Variants in KIAA1217 observed in about 807,000 individuals in gnomAD.
KIAA1217 encodes sickle tail protein homolog.
In KIAA1217, 88 loss-of-function variants were observed where a neutral mutation model predicts 163.9. The observed-to-expected ratio is 0.54, with a 90% CI of 0.45 to 0.64. The LOEUF (loss-of-function observed/expected upper bound fraction) is 0.64. Ranked by LOEUF, KIAA1217 falls within the 30% of genes least tolerant of loss-of-function variation. The pLI is 0.00. For synonymous variants in KIAA1217, 903 were observed against 923.1 expected (o/e 0.98, Z 0.39); for missense variants, 2,372 against 2,475.0 (o/e 0.96, Z 0.88).
intron 3 of KIAA1217, among the ~76,000 whole-genome samples, chr10:24,398,918 G>T (rs528044051): frequency 6.6e-6 from 1 of 152,276 alleles, no homozygotes; most frequent in African/African-American, 2.4e-5. Context: ...TAGGGAAACT[G>T]CCTTTCCCTG....
In KIAA1217 at chr10:23,831,341, A is replaced by G. The variant is rs111494652; in HGVS notation, c.-321+136107A>G. Among the ~76,000 whole-genome samples, 790 of 152,292 alleles carry G rather than the reference A, an allele frequency of 5.2e-3. 10 individuals are homozygous for G. The highest frequency in any genetic ancestry group is 0.017 in the African/African-American group (713 of 41,572). ...CAAACAAACAAACAAAAAGAGTAAA[A>G]AGATGGCCTATGGATGGGGAGAAAA... On this transcript the variant is annotated intron_variant, in intron 1 of 18. Coordinates refer to the KIAA1217 transcript ENST00000376462.
At chr10:24,240,882 G>A (rs1364325540) in intron 2 of KIAA1217, among the ~76,000 whole-genome samples, 2 of 151,862 alleles carry the variant, frequency 1.3e-5, no homozygotes, top group African/African-American at 2.4e-5. Context: ...AAAAAGACAG[G>A]GTCTCACTCT....
At chr10:23,763,715 G>T (rs951820458) in intron 1 of KIAA1217, among the ~76,000 whole-genome samples, 5 of 151,970 alleles carry the variant, frequency 3.3e-5, no homozygotes, top group Non-Finnish European at 7.4e-5. Context: ...AAGCCAAAAG[G>T]TTCATAACAA....
chr10:24,512,893 G>A (rs903075516), intron 9 of KIAA1217, among the ~76,000 whole-genome samples: 2 of 152,166 alleles, frequency 1.3e-5, no homozygotes, highest in Non-Finnish European at 2.9e-5. Flanking sequence ...TCTCACAGTG[G>A]GCTAGAGAGA....
intron 2 of KIAA1217, among the ~76,000 whole-genome samples, chr10:24,049,393 T>A (rs183935282): frequency 1.1e-3 from 168 of 152,330 alleles, no homozygotes; most frequent in African/African-American, 3.7e-3. Flanking sequence ...TCTCTTTTTT[T>A]AACTCTATTT....
intron 1 of KIAA1217, among the ~76,000 whole-genome samples, chr10:23,768,231 T>C (rs186773496): frequency 1.4e-3 from 206 of 152,262 alleles, no homozygotes; most frequent in Admixed American, 2.2e-3. Flanking sequence ...AGGAGCATGG[T>C]CTCTTTTATG....
At chr10:24,390,570 A>G (rs2054784353) in intron 3 of KIAA1217, among the ~76,000 whole-genome samples, 1 of 151,478 alleles carries the variant, frequency 6.6e-6, no homozygotes, top group African/African-American at 2.4e-5. Context: ...AGAAAGAGAG[A>G]GGGAGGGAGG....
chr10:24,209,304 C>T, intron 1 of KIAA1217, 41 bp downstream of exon 1: 1 of 1,472,790 alleles, frequency 6.8e-7, no homozygotes, highest in South Asian at 1.1e-5. Context: ...TACAGGGACG[C>T]GTGCCCCTTG....
chr10:24,051,448 T>C (rs547593179), intron 2 of KIAA1217, among the ~76,000 whole-genome samples: 24 of 152,336 alleles, frequency 1.6e-4, no homozygotes, highest in African/African-American at 5.8e-4. Context: ...GATCAAACGA[T>C]AGTTCTTCTT....
chr10:24,006,405 A>G (rs1411036245), intron 1 of KIAA1217, among the ~76,000 whole-genome samples: 1 of 152,202 alleles, frequency 6.6e-6, no homozygotes, highest in Non-Finnish European at 1.5e-5. Flanking sequence ...TTACAGAAAC[A>G]AATTTCTATT....
intron 3 of KIAA1217, among the ~76,000 whole-genome samples, chr10:24,388,153 T>C (rs1239463723): frequency 6.6e-6 from 1 of 152,142 alleles, no homozygotes; most frequent in African/African-American, 2.4e-5. Context: ...GACTTCAAAC[T>C]ATACTACAAG....
chr10:24,500,222 TATTA>T (rs1225185324), intron 8 of KIAA1217, among the ~76,000 whole-genome samples: 2 of 150,674 alleles, frequency 1.3e-5, no homozygotes, highest in Non-Finnish European at 2.9e-5. Context: ...TGTGTGTCTT[TATTA>T]GTAACATGGA....
chr10:24,428,302 C>A (rs2131684590), intron 3 of KIAA1217, among the ~76,000 whole-genome samples: 1 of 152,292 alleles, frequency 6.6e-6, no homozygotes, highest in African/African-American at 2.4e-5. Context: ...CCACGTGGGG[C>A]CAAGACATTG....
intron 1 of KIAA1217, among the ~76,000 whole-genome samples, chr10:23,766,697 T>C (rs1472864252): frequency 6.6e-6 from 1 of 151,866 alleles, no homozygotes; most frequent in African/African-American, 2.4e-5. Flanking sequence ...CAAGCGATTA[T>C]TGTGCCTCAG....
At chr10:24,486,992 G>A (rs140581733) in intron 6 of KIAA1217, among the ~76,000 whole-genome samples, 123 of 152,282 alleles carry the variant, frequency 8.1e-4, no homozygotes, top group African/African-American at 2.8e-3. Flanking sequence ...AAAGGTCACC[G>A]CTGTAAGGAT....
chr10:24,425,115 G>A (rs1241360774), intron 3 of KIAA1217, among the ~76,000 whole-genome samples: 1 of 152,146 alleles, frequency 6.6e-6, no homozygotes, highest in Non-Finnish European at 1.5e-5. Context: ...TAACTGAGTA[G>A]GATTCCTAAC....
At chr10:24,361,562 C>G (rs2050002276) in intron 2 of KIAA1217, among the ~76,000 whole-genome samples, 1 of 152,170 alleles carries the variant, frequency 6.6e-6, no homozygotes, top group Non-Finnish European at 1.5e-5. Flanking sequence ...ATGATAGCTA[C>G]TTCATCATTG....
intron 1 of KIAA1217, among the ~76,000 whole-genome samples, chr10:23,732,396 A>G (rs1838525969): frequency 6.6e-6 from 1 of 152,204 alleles, no homozygotes; most frequent in South Asian, 2.1e-4. Flanking sequence ...AATAAAAAAT[A>G]GAAATTTAAA....
chr10:24,174,010 T>G (rs2065754467), intron 2 of KIAA1217, among the ~76,000 whole-genome samples: 1 of 152,220 alleles, frequency 6.6e-6, no homozygotes, highest in African/African-American at 2.4e-5. Context: ...CCATGTTCTC[T>G]TCCATCATGG....
Sources: gnomAD v4.1 joint callset for allele counts (sites outside exome capture counted in the v4.1 genomes callset) on GRCh38, gnomAD v4.1.1 for gene constraint, MANE v1.5 for transcripts, NCBI Gene and HGNC (gene_info 2026-07-23, HGNC 2026-07-21) for gene names.